SNX29: variants seen among roughly 807,000 people sequenced by gnomAD.
SNX29 encodes sorting nexin 29.
Under a neutral mutation model 102.1 loss-of-function variants are expected in SNX29, and 78 were observed. That is an observed-to-expected ratio of 0.76 (90% CI 0.64 to 0.92). The LOEUF (loss-of-function observed/expected upper bound fraction) is 0.92, where lower values mean the gene tolerates loss of function less well. SNX29 is among the 40% of genes least tolerant of loss of function. The pLI is 0.00. For missense variants in SNX29, 1,280 were observed against 1,061.7 expected (o/e 1.21, Z -2.86); for synonymous variants, 580 against 414.5 (o/e 1.40, Z -4.85).
intron 13 of SNX29, among the ~76,000 whole-genome samples, chr16:12,168,615 G>A (rs1030752777): frequency 6.6e-6 from 1 of 152,204 alleles, no homozygotes; most frequent in African/African-American, 2.4e-5. Flanking sequence ...GGGCATTGGC[G>A]TGGTTTCTGG....
At chr16:12,533,181 T>C (rs757372708) in intron 20 of SNX29, among the ~76,000 whole-genome samples, 1 of 152,224 alleles carries the variant, frequency 6.6e-6, no homozygotes, top group African/African-American at 2.4e-5. Flanking sequence ...AACTGGATTC[T>C]GGAACCAGCA....
intron 15 of SNX29, among the ~76,000 whole-genome samples, chr16:12,355,628 C>T (rs1041198920): frequency 2.0e-5 from 3 of 152,040 alleles, no homozygotes; most frequent in Non-Finnish European, 4.4e-5. Context: ...ATAGTCTGTA[C>T]ATTGACTATA....
chr16:12,567,269 C>T (rs958087885), intron 20 of SNX29, among the ~76,000 whole-genome samples: 3 of 152,210 alleles, frequency 2.0e-5, no homozygotes. Context: ...TTGTAGGGTC[C>T]AGTGGATCCA....
At chr16:12,476,351 CAAAAAAAAAAAAAA>C (rs150729550) in intron 18 of SNX29, among the ~76,000 whole-genome samples, 14 of 9,048 alleles carry the variant, frequency 1.5e-3, no homozygotes, top group Non-Finnish European at 2.8e-3. Context: ...CGACATTTCT[CAAAAAAAAAAAAAA>C]AAAAAAAAAA....
intron 18 of SNX29, among the ~76,000 whole-genome samples, chr16:12,439,755 C>G (rs1200039027): frequency 1.3e-5 from 2 of 152,202 alleles, no homozygotes; most frequent in Non-Finnish European, 2.9e-5. Flanking sequence ...AGCCATGTGA[C>G]CTTGGTACAC....
chr16:12,322,876 T>TA (rs1567437249), intron 15 of SNX29, among the ~76,000 whole-genome samples: 4 of 37,376 alleles, frequency 1.1e-4, no homozygotes, highest in Non-Finnish European at 1.3e-4. Context: ...ATGCGGTCAC[T>TA]GGAGTCACTG....
intron 11 of SNX29, among the ~76,000 whole-genome samples, chr16:12,105,264 C>G (rs142251168): frequency 7.5e-6 from 1 of 134,118 alleles, no homozygotes; most frequent in Non-Finnish European, 1.6e-5. Flanking sequence ...CTCACTCTGT[C>G]GCTAGGCTGG....
intron 18 of SNX29, among the ~76,000 whole-genome samples, chr16:12,458,743 G>T (rs904353300): frequency 6.6e-6 from 1 of 152,074 alleles, no homozygotes; most frequent in Non-Finnish European, 1.5e-5. Context: ...GGAGTGTGTC[G>T]CAATCCACTC....
intron 9 of SNX29, among the ~76,000 whole-genome samples, chr16:12,064,844 G>T (rs183085045): frequency 6.6e-6 from 1 of 152,298 alleles, no homozygotes; most frequent in East Asian, 1.9e-4. Flanking sequence ...CCCTTCTGAG[G>T]GACATCTTCC....
chr16:12,154,515 C>G (rs1260705482), intron 13 of SNX29, among the ~76,000 whole-genome samples: 1 of 152,000 alleles, frequency 6.6e-6, no homozygotes, highest in African/African-American at 2.4e-5. Flanking sequence ...CTATTAGACT[C>G]AGAATCCCAT....
At chr16:12,136,492 G>T (rs189545875) in intron 13 of SNX29, among the ~76,000 whole-genome samples, 1 of 152,246 alleles carries the variant, frequency 6.6e-6, no homozygotes, top group East Asian at 1.9e-4. Flanking sequence ...TTTTTTTCTT[G>T]CAGTAGCTGG....
At chr16:12,382,457 CTCTGAG>C (rs2083201351) in intron 16 of SNX29, among the ~76,000 whole-genome samples, 1 of 152,204 alleles carries the variant, frequency 6.6e-6, no homozygotes, top group African/African-American at 2.4e-5. Flanking sequence ...TAAGTCAACT[CTCTGAG>C]TCTATTTCCC....
intron 15 of SNX29, among the ~76,000 whole-genome samples, chr16:12,293,827 C>CT (rs1567406751): frequency 1.3e-5 from 2 of 152,124 alleles, no homozygotes; most frequent in African/African-American, 4.8e-5. Context: ...TGTTAAAATC[C>CT]TTATCAGGCT....
intron 16 of SNX29, among the ~76,000 whole-genome samples, chr16:12,390,368 C>T (rs967991597): frequency 3.3e-5 from 5 of 152,130 alleles, no homozygotes; most frequent in African/African-American, 1.2e-4. Flanking sequence ...CTTCAGGCTC[C>T]TCCCAGATGC....
chr16:12,225,324 A>C (rs1293225026), intron 14 of SNX29, among the ~76,000 whole-genome samples: 1 of 151,850 alleles, frequency 6.6e-6, no homozygotes, highest in Non-Finnish European at 1.5e-5. Flanking sequence ...CTCATCTTGG[A>C]TTGTAACTCC....
intron 20 of SNX29, among the ~76,000 whole-genome samples, chr16:12,537,288 T>C (rs1391368009): frequency 2.0e-5 from 3 of 152,196 alleles, no homozygotes; most frequent in Non-Finnish European, 2.9e-5. Context: ...GTTAGTGTGG[T>C]ACATGTTTGG....
intron 20 of SNX29, among the ~76,000 whole-genome samples, chr16:12,549,450 G>T (rs922945590): frequency 1.3e-5 from 2 of 152,084 alleles, no homozygotes; most frequent in Admixed American, 6.5e-5. Context: ...ACCTAAGATT[G>T]CACCATTGAA....
intron 10 of SNX29, among the ~76,000 whole-genome samples, chr16:12,070,087 C>T (rs2051225997): frequency 6.6e-6 from 1 of 152,206 alleles, no homozygotes; most frequent in South Asian, 2.1e-4. Context: ...GCTTAGTATG[C>T]TGTCTGGCAT....
intron 19 of SNX29, among the ~76,000 whole-genome samples, chr16:12,499,408 A>G (rs1306850408): frequency 6.6e-6 from 1 of 152,240 alleles, no homozygotes; most frequent in Non-Finnish European, 1.5e-5. Flanking sequence ...GCAGGGCAAG[A>G]CATAGCTGCA....
Sources: gnomAD v4.1 joint callset for allele counts (sites outside exome capture counted in the v4.1 genomes callset) on GRCh38, gnomAD v4.1.1 for gene constraint, MANE v1.5 for transcripts, NCBI Gene and HGNC (gene_info 2026-07-23, HGNC 2026-07-21) for gene names.